LSMEM2: variants seen among roughly 807,000 people sequenced by gnomAD.
LSMEM2 encodes leucine rich single-pass membrane protein 2.
A neutral mutation model predicts 17.3 loss-of-function variants in LSMEM2; 20 were observed. The ratio of observed to expected loss-of-function variants is 1.16; its 90% CI spans 0.81 to 1.68. The LOEUF (loss-of-function observed/expected upper bound fraction) is 1.68. Ranked by LOEUF, LSMEM2 falls within the 40% of genes most tolerant of loss-of-function variation. The pLI, the probability that LSMEM2 is intolerant of heterozygous loss-of-function variation, is 0.00. For synonymous variants in LSMEM2, 94 were observed against 97.8 expected (o/e 0.96, Z 0.23); for missense variants, 207 against 214.3 (o/e 0.97, Z 0.21).
At chr3:50,281,509 C>A (rs1701396630) in intron 1 of LSMEM2, among the ~76,000 whole-genome samples, 1 of 151,676 alleles carries the variant, frequency 6.6e-6, no homozygotes, top group African/African-American at 2.4e-5. Context: ...ACTACAGGCG[C>A]CTGCCACCAT....
intron 1 of LSMEM2, among the ~76,000 whole-genome samples, chr3:50,285,356 C>T (rs891007763): frequency 9.9e-5 from 15 of 150,834 alleles, no homozygotes; most frequent in East Asian, 3.9e-4. Flanking sequence ...AAACAAAAAA[C>T]GACCAAATGC....
intron 1 of LSMEM2, among the ~76,000 whole-genome samples, chr3:50,284,203 C>CAAAAAA (rs1235329401): frequency 2.4e-5 from 1 of 41,362 alleles, no homozygotes; most frequent in Non-Finnish European, 4.5e-5. Flanking sequence ...AAGACTGTCT[C>CAAAAAA]AAAAAAAAAA....
At chr3:50,278,554 C>G (rs587634572), upstream of LSMEM2, among the ~76,000 whole-genome samples, 5 of 145,912 alleles carry the variant, frequency 3.4e-5, no homozygotes, top group East Asian at 9.8e-4. Context: ...TAGGTCCACC[C>G]ACTGGCCAGC....
chr3:50,283,797 A>G (rs369217804), intron 1 of LSMEM2, among the ~76,000 whole-genome samples: 12 of 152,104 alleles, frequency 7.9e-5, no homozygotes, highest in African/African-American at 2.9e-4. Context: ...TCTGTCTCAA[A>G]CAAACAAACA....
intron 1 of LSMEM2, among the ~76,000 whole-genome samples, chr3:50,280,174 C>A (rs1350238576): frequency 1.6e-4 from 3 of 19,184 alleles, no homozygotes; most frequent in East Asian, 6.1e-3. Flanking sequence ...CGCCTGGCCT[C>A]AACTTTTTTT....
chr3:50,287,968 T>C lies in LSMEM2; in HGVS notation c.*766T>C. 1.8e-6 allele frequency: 1 copy of C among 557,768 alleles called. No individual in the cohort carries two copies. The allele number at this position is 557,768 out of a possible 1,614,324, so 34.6% of individuals were successfully genotyped here. A position where few individuals can be genotyped will look rare whatever the true frequency, so the allele number is the denominator to read the frequency against. On this transcript the variant is annotated 3_prime_UTR_variant, in exon 4 of 4. Transcript: ENST00000316436. ...CCCTGAGGAAGGCACATATTTAGCC[T>C]GGCCTGAGACAGGACAGGAAGGGGC... is the stretch of plus-strand genomic sequence containing the variant.
chr3:50,286,670 C>A lies in LSMEM2; in HGVS notation c.173-4C>A. ...ACCACCCTCCCAATGTCCCATCCAC[C>A]CAGCAGGCACACTGCGCCCCTATCT... On this transcript the variant is annotated splice_region_variant and splice_polypyrimidine_tract_variant and intron_variant, in intron 2 of 3. Coordinates refer to ENST00000316436, the MANE Select transcript of LSMEM2 (RefSeq NM_153215.3). The A allele has an allele frequency of 6.2e-7, 1 of 1,612,792 alleles. No individual in the cohort carries two copies. The highest frequency in any genetic ancestry group is 8.5e-7 in the Non-Finnish European group (1 of 1,179,060).
chr3:50,279,153 C>T lies in LSMEM2; in HGVS notation c.40C>T (p.Pro14Ser), dbSNP rs782245404. The change falls in exon 1 of 4, where the codon CCT (proline) becomes TCT (serine). Residue 14 changes from proline to serine, a missense_variant. Physicochemically the swap from Pro to Ser is moderately conservative, Grantham distance 74 (BLOSUM62 -1). Coordinates refer to ENST00000316436, the MANE Select transcript of LSMEM2 (RefSeq NM_153215.3). ...LAPDCPLLAM[P>S]EETQEDSVAP... ...CCCCGACTGCCCACTGCTTGCCATG[C>T]CTGAGGAGACCCAAGAAGGTAGGAG... 6.8e-6 allele frequency: 11 copies of T among 1,614,158 alleles called. No homozygotes were observed. The highest frequency in any genetic ancestry group is 9.3e-6 in the Non-Finnish European group (11 of 1,180,010).
At chr3:50,283,736 T>G (rs1477521129) in intron 1 of LSMEM2, among the ~76,000 whole-genome samples, 2 of 151,500 alleles carry the variant, frequency 1.3e-5, no homozygotes, top group Non-Finnish European at 2.9e-5. Context: ...GAGGCGGAGG[T>G]TGCAGTGAGC....
chr3:50,287,882 T>G lies in LSMEM2; in HGVS notation c.*680T>G. 2.6e-6 allele frequency: 1 copy of G among 377,664 alleles called. No homozygotes were observed. Among genetic ancestry groups the G allele is most frequent in the South Asian group, 3.2e-5 (1 of 31,110 alleles). 23.4% of individuals were successfully genotyped at this position (377,664 alleles called of 1,614,324 possible). On this transcript the variant is annotated 3_prime_UTR_variant, in exon 4 of 4. Coordinates refer to ENST00000316436, the MANE Select transcript of LSMEM2 (RefSeq NM_153215.3). ...CCACCCCCCTAAGAGTGGGTCATCCTGGGGGAGCAAGGCCTGAGAAAGGAA... is the reference window on the plus strand; with the variant it reads ...CCACCCCCCTAAGAGTGGGTCATCCGGGGGGAGCAAGGCCTGAGAAAGGAA...
chr3:50,278,518 A>G (rs781952826), upstream of LSMEM2, among the ~76,000 whole-genome samples: 1 of 152,216 alleles, frequency 6.6e-6, no homozygotes, highest in Non-Finnish European at 1.5e-5. Context: ...TTGCAAGCTT[A>G]GTAACAAATG....
chr3:50,287,826 A>T lies in LSMEM2; in HGVS notation c.*624A>T. The T allele has an allele frequency of 3.7e-6, 1 of 268,326 alleles. No homozygotes were observed. Among genetic ancestry groups the T allele is most frequent in the Non-Finnish European group, 7.2e-6 (1 of 139,296 alleles). 16.6% of individuals were successfully genotyped at this position (268,326 alleles called of 1,614,324 possible). ...CCATTCCAGGTAGCTTTGCCACCCC[A>T]CCTGCTGTGGTGGCATTTGTCCAGA... On this transcript the variant is annotated 3_prime_UTR_variant, in exon 4 of 4. Transcript: ENST00000316436.
At chr3:50,279,243 C>T (rs890110164) in intron 1 of LSMEM2, 72 bp downstream of exon 1, 9 of 1,403,620 alleles carry the variant, frequency 6.4e-6, no homozygotes, top group Non-Finnish European at 8.1e-6. Flanking sequence ...AGAGACCCAC[C>T]CTCTGTCCCA....
chr3:50,286,569 G>C lies in LSMEM2; in HGVS notation c.157G>C (p.Asp53His), dbSNP rs377156237. The C allele has an allele frequency of 6.2e-6, 10 of 1,612,044 alleles. No individual in the cohort carries two copies. In the African/African-American group the frequency reaches 1.1e-4, roughly 17 times the overall value. Residue 53 changes from aspartate (D) to histidine (H), a missense_variant, in exon 2 of 4, where the codon GAC becomes CAC. Physicochemically the swap from Asp to His is moderately conservative, Grantham distance 81. Transcript: ENST00000316436. ...CCTGCACCAGGTGGAGTCCATCAGC[G>C]ACCTACATAGTGGAGGTGAGTGGGG... ...VCLHQVESISDLHSGAGTLRP... is the reference protein window; with the variant it reads ...VCLHQVESISHLHSGAGTLRP...
chr3:50,285,002 C>G (rs1181961631), intron 1 of LSMEM2, among the ~76,000 whole-genome samples: 2 of 151,814 alleles, frequency 1.3e-5, no homozygotes, highest in African/African-American at 4.8e-5. Flanking sequence ...CGCCACTGCA[C>G]TCCAGCCTGG....
At chr3:50,282,034 A>C (rs1701412771) in intron 1 of LSMEM2, among the ~76,000 whole-genome samples, 1 of 151,000 alleles carries the variant, frequency 6.6e-6, no homozygotes, top group South Asian at 2.1e-4. Context: ...TTGTATTTTT[A>C]GTACAGATGG....
At chr3:50,283,839 C>T (rs1421575168) in intron 1 of LSMEM2, among the ~76,000 whole-genome samples, 6 of 152,080 alleles carry the variant, frequency 3.9e-5, no homozygotes, top group East Asian at 1.9e-4. Context: ...TGTGAAAGTA[C>T]ATAATTAAAA....
In LSMEM2 at chr3:50,287,133, C is replaced by A. The variant is rs1553708697; in HGVS notation, c.426C>A (p.Leu142=). The A allele has an allele frequency of 6.2e-7, 1 of 1,614,158 alleles. No homozygotes were observed. Among genetic ancestry groups the A allele is most frequent in the Non-Finnish European group, 8.5e-7 (1 of 1,180,026 alleles). Residue 142 remains leucine (L), a synonymous_variant, in exon 4 of 4, where the codon CTC becomes CTA. Coordinates refer to ENST00000316436, the MANE Select transcript of LSMEM2 (RefSeq NM_153215.3). ...HTLRTQEETL[L]KLRLASLSQL... ...TCCGCACGCAGGAGGAGACACTACT[C>A]AAACTCCGCTTGGCCAGCCTCAGCC... is the stretch of plus-strand genomic sequence containing the variant.
upstream of LSMEM2, chr3:50,279,012 G>A: frequency 8.1e-7 from 1 of 1,241,558 alleles, no homozygotes; most frequent in Non-Finnish European, 1.2e-6. Context: ...ATAGCCCAGT[G>A]GGCTGAGCTC....
Sources: gnomAD v4.1 joint callset for allele counts (sites outside exome capture counted in the v4.1 genomes callset) on GRCh38, gnomAD v4.1.1 for gene constraint, MANE v1.5 for transcripts, NCBI Gene and HGNC (gene_info 2026-07-23, HGNC 2026-07-21) for gene names.